Variants in TIAM2 observed in about 807,000 individuals in gnomAD.
The protein encoded by TIAM2 is rho guanine nucleotide exchange factor TIAM2.
Under a neutral mutation model 152.9 loss-of-function variants are expected in TIAM2, and 80 were observed. The ratio of observed to expected loss-of-function variants is 0.52; its 90% confidence interval spans 0.44 to 0.63. TIAM2 has a LOEUF of 0.63. Ranked by LOEUF, TIAM2 falls within the 30% of genes least tolerant of loss-of-function variation. The probability of loss-of-function intolerance (pLI) is 0.00; values close to 1 mark genes in which losing one functional copy is unlikely to be tolerated. For missense variants in TIAM2, 1,965 were observed against 2,120.1 expected (o/e 0.93, Z 1.44); for synonymous variants, 804 against 838.0 (o/e 0.96, Z 0.70).
intron 14 of TIAM2, among the ~76,000 whole-genome samples, chr6:155,188,980 T>C (rs1048900255): frequency 6.6e-6 from 1 of 152,204 alleles, no homozygotes; most frequent in Non-Finnish European, 1.5e-5. Context: ...TTTTTTAGCC[T>C]CCACGCCCCC....
At chr6:155,035,888 G>A (rs1367383542) in intron 1 of TIAM2, among the ~76,000 whole-genome samples, 1 of 152,142 alleles carries the variant, frequency 6.6e-6, no homozygotes, top group African/African-American at 2.4e-5. Flanking sequence ...ACTGTAACTT[G>A]TATCTCTTTA....
At chr6:155,065,274 T>C (rs1777668477) in intron 1 of TIAM2, among the ~76,000 whole-genome samples, 1 of 152,006 alleles carries the variant, frequency 6.6e-6, no homozygotes, top group Non-Finnish European at 1.5e-5. Context: ...TGTGAAACCA[T>C]TGATTTCTAG....
chr6:155,254,666 C>CTT, intron 26 of TIAM2, 93 bp downstream of exon 26: 1 of 1,471,842 alleles, frequency 6.8e-7, no homozygotes, highest in Non-Finnish European at 9.3e-7. Context: ...TGACTTTTCA[C>CTT]TTTGTAAGTC....
chr6:155,012,706 A>C (rs1168559826), intron 1 of TIAM2, among the ~76,000 whole-genome samples: 1 of 151,996 alleles, frequency 6.6e-6, no homozygotes, highest in African/African-American at 2.4e-5. Context: ...TCCCGCCACC[A>C]TGCCTGGCTA....
At chr6:155,060,422 A>T (rs1035468359) in intron 1 of TIAM2, among the ~76,000 whole-genome samples, 2 of 152,024 alleles carry the variant, frequency 1.3e-5, no homozygotes, top group Non-Finnish European at 2.9e-5. Flanking sequence ...ACAAATAAAA[A>T]ACCATTTAAT....
At chr6:155,112,781 C>T (rs1233686189) in intron 2 of TIAM2, among the ~76,000 whole-genome samples, 3 of 152,140 alleles carry the variant, frequency 2.0e-5, no homozygotes, top group African/African-American at 7.2e-5. Context: ...TGGAATCATC[C>T]TTGGTGTCAC....
chr6:155,159,016 CTGA>C (rs1192353976), intron 7 of TIAM2, among the ~76,000 whole-genome samples: 1 of 152,126 alleles, frequency 6.6e-6, no homozygotes, highest in African/African-American at 2.4e-5. Flanking sequence ...TTGAACTGTA[CTGA>C]ATCTCTAAAC....
chr6:155,083,140 G>A (rs1168788562), intron 1 of TIAM2, among the ~76,000 whole-genome samples: 3 of 152,016 alleles, frequency 2.0e-5, no homozygotes, highest in Admixed American at 2.0e-4. Context: ...CTGAGGTCAG[G>A]AGTTCAAGAC....
chr6:155,020,722 C>A (rs1174900270), intron 1 of TIAM2, among the ~76,000 whole-genome samples: 1 of 152,172 alleles, frequency 6.6e-6, no homozygotes, highest in Non-Finnish European at 1.5e-5. Flanking sequence ...CTCGGCCTCC[C>A]AAAGTGCTGG....
At position 155,251,919 on chromosome 6, in the gene TIAM2, CTTTCTT is replaced by C. The variant is rs1444050871; in HGVS notation, c.4061-24_4061-19del. 6.4e-7 allele frequency: 1 copy of C among 1,571,800 alleles called. No homozygotes were observed. ...TGGAAGAGTTTGCATAAAATAAAGACTTTCTTTCTCTTTTCCTTTCTTTAGTTTTTA... is the reference window on the plus strand; with the variant it reads ...TGGAAGAGTTTGCATAAAATAAAGACTCTCTTTTCCTTTCTTTAGTTTTTA... On this transcript the variant is annotated intron_variant, in intron 22 of 26. Transcript: ENST00000682666.
intron 15 of TIAM2, among the ~76,000 whole-genome samples, chr6:155,240,077 CTT>C (rs1349289445): frequency 6.6e-6 from 1 of 152,244 alleles, no homozygotes; most frequent in African/African-American, 2.4e-5. Flanking sequence ...CTGTGCCTCT[CTT>C]GAGTCTCTCC....
intron 14 of TIAM2, among the ~76,000 whole-genome samples, chr6:155,188,366 A>G (rs954197592): frequency 6.6e-6 from 1 of 152,234 alleles, no homozygotes; most frequent in South Asian, 2.1e-4. Flanking sequence ...ACAGGAATAT[A>G]TGGAGAATCG....
At chr6:155,029,594 TATATA>T (rs1212350934) in intron 1 of TIAM2, among the ~76,000 whole-genome samples, 9 of 100,566 alleles carry the variant, frequency 8.9e-5, no homozygotes, top group African/African-American at 3.3e-4. Context: ...CTATATAGTA[TATATA>T]GTTATATAAC....
intron 4 of TIAM2, among the ~76,000 whole-genome samples, chr6:155,134,446 A>G (rs1186221528): frequency 2.9e-5 from 4 of 139,012 alleles, no homozygotes; most frequent in Non-Finnish European, 1.5e-5. Flanking sequence ...CTATGGTTAA[A>G]CATTTAAAAG....
chr6:155,164,595 G>A lies in TIAM2; in HGVS notation c.2209G>A (p.Ala737Thr). Residue 737 changes from alanine to threonine, a missense_variant, in exon 8 of 27, where the codon GCT becomes ACT. Ala to Thr is a moderately conservative substitution (Grantham distance 58). Around this residue, in one of 3 missense-constraint regions of TIAM2, gnomAD observed 1,025 missense variants for 1,119.4 expected, o/e 0.92. Coordinates refer to ENST00000682666, the MANE Select transcript of TIAM2 (RefSeq NM_012454.4). The part of the protein sequence containing the change: ...LGILSVSSFH[A>T]LVCSRDDSAL... ...CATCTTGTCTGTTTCCTCTTTCCAT[G>A]CTCTGGTAAGTTCCTGAGGAAGGCT... The A allele has an allele frequency of 6.2e-7, 1 of 1,610,684 alleles. No individual in the cohort carries two copies. Among genetic ancestry groups the A allele is most frequent in the Non-Finnish European group, 8.5e-7 (1 of 1,177,658 alleles).
In TIAM2 at chr6:155,129,175, A is replaced by T. The variant is rs748751541; in HGVS notation, c.-6-43A>T. 10 of 1,560,182 alleles carry T rather than the reference A, an allele frequency of 6.4e-6. No homozygotes were observed. The Admixed American group carries it at 1.7e-4, about 27-fold the overall frequency. On this transcript the variant is annotated intron_variant, in intron 3 of 26. Coordinates refer to ENST00000682666, the MANE Select transcript of TIAM2 (RefSeq NM_012454.4). The surrounding 1 kb of genome is among the most constrained non-coding windows in gnomAD (Gnocchi z 4.8). ...AGAAAGTTCTGTCATAATGGAATGT[A>T]ATTTAGGCCACGGTCTTACTGATGC...
At position 155,040,787 on chromosome 6, in the gene TIAM2, G is replaced by T. The variant is rs1777012002; in HGVS notation, c.-209+45295G>T. ...ACCCGCCTTGGCCTCCCAAAGTGCT[G>T]GGATTACAGGTGTGAGCCACCCTGC... On this transcript the variant is annotated intron_variant, in intron 1 of 26. Transcript: ENST00000682666. Among the ~76,000 whole-genome samples, 5 of 152,282 alleles carry T rather than the reference G, an allele frequency of 3.3e-5. No individual in the cohort carries two copies. The South Asian group carries it at 1.0e-3, about 32-fold the overall frequency.
In TIAM2 at chr6:155,226,638, C is replaced by T. The variant is rs150463856; in HGVS notation, c.3169-13892C>T. Among the ~76,000 whole-genome samples the T allele has an allele frequency of 1.7e-3, 226 of 132,116 alleles. 1 individual carries two copies. The highest frequency in any genetic ancestry group is 6.5e-3 in the African/African-American group (220 of 33,804). The allele number at this position is 132,116 out of a possible 152,430, so 86.7% of individuals were successfully genotyped here. A position where few individuals can be genotyped will look rare whatever the true frequency, so the allele number is the denominator to read the frequency against. ...AGAGATCGTGCCACTGCACTCCAGC[C>T]TGAGCAACAAGAGTGAAACTGCATC... On this transcript the variant is annotated intron_variant, in intron 15 of 26. Coordinates refer to ENST00000682666, the MANE Select transcript of TIAM2 (RefSeq NM_012454.4).
chr6:155,243,162 A>C (rs1159410186), intron 16 of TIAM2, among the ~76,000 whole-genome samples: 1 of 152,200 alleles, frequency 6.6e-6, no homozygotes, highest in African/African-American at 2.4e-5. Context: ...CTTAGAGTTT[A>C]GCCATTAGAG....
Sources: gnomAD v4.1 joint callset for allele counts (sites outside exome capture counted in the v4.1 genomes callset) on GRCh38, gnomAD v4.1.1 for gene constraint, gnomAD v4.1.1 regional missense constraint, Gnocchi (gnomAD v3.1) non-coding constraint, MANE v1.5 for transcripts, NCBI Gene and HGNC (gene_info 2026-07-23, HGNC 2026-07-21) for gene names.